Variants in SCUBE1 observed in about 807,000 individuals in gnomAD.
The protein encoded by SCUBE1 is signal peptide, CUB domain and EGF like domain containing 1, also known as signal peptide, CUB and EGF-like domain-containing protein 1.
SCUBE1 carries 59 observed loss-of-function variants against 124.4 expected under a neutral mutation model. The observed-to-expected ratio is 0.47, with a 90% CI of 0.38 to 0.59. The LOEUF (loss-of-function observed/expected upper bound fraction) is 0.59. Among genes scored for constraint, SCUBE1 ranks in the 20% least tolerant of loss-of-function variants. The pLI, the probability that SCUBE1 is intolerant of heterozygous loss-of-function variation, is 0.00. For synonymous variants in SCUBE1, 545 were observed against 550.9 expected (o/e 0.99, Z 0.15); for missense variants, 1,150 against 1,371.2 (o/e 0.84, Z 2.55).
intron 4 of SCUBE1, among the ~76,000 whole-genome samples, chr22:43,264,494 A>T (rs1048194780): frequency 1.6e-4 from 24 of 152,162 alleles, no homozygotes; most frequent in Admixed American, 3.9e-4. Context: ...CTCTCGGTAG[A>T]GAAACCTTCC....
At position 43,223,086 on chromosome 22, in the gene SCUBE1, G is replaced by C. The variant is rs1922163306; in HGVS notation, c.1327+11C>G. 1.3e-6 allele frequency: 2 copies of C among 1,525,982 alleles called. No homozygotes were observed. The highest frequency in any genetic ancestry group is 2.4e-5 in the East Asian group (1 of 41,592). 94.5% of individuals were successfully genotyped at this position (1,525,982 alleles called of 1,614,324 possible). A position where few individuals can be genotyped will look rare whatever the true frequency, so the allele number is the denominator to read the frequency against. On this transcript the variant is annotated intron_variant, in intron 11 of 21. Coordinates refer to ENST00000360835, the MANE Select transcript of SCUBE1 (RefSeq NM_173050.5). ...GCCACAGCATCCCATCTCAGGGACG[G>C]CCCGGGTTACCTGGCACGAAGAGTG...
intron 4 of SCUBE1, among the ~76,000 whole-genome samples, chr22:43,281,453 T>C (rs200085229): frequency 0.075 from 3,062 of 40,682 alleles, 227 homozygotes; most frequent in East Asian, 0.56. Flanking sequence ...CCTCCTGTCA[T>C]CTCCCTCAGC....
At chr22:43,284,092 G>A (rs1294346552) in intron 4 of SCUBE1, among the ~76,000 whole-genome samples, 2 of 152,252 alleles carry the variant, frequency 1.3e-5, no homozygotes, top group African/African-American at 4.8e-5. Flanking sequence ...GAGACACACG[G>A]CCGTGGTCTT....
rs201145102 is a variant in SCUBE1, at chr22:43,234,735, G to GCA, written c.845-2862_845-2861dup. ...CACCAGGCAGCCAGCACCACCTTCC[G>GCA]CACACAAATCTGGCTGAGTCCCTGC... On this transcript the variant is annotated intron_variant, in intron 7 of 21. Transcript: ENST00000360835. The surrounding 1 kb of genome is among the most constrained non-coding windows in gnomAD (Gnocchi z 4.4). Among the ~76,000 whole-genome samples, 1,382 of 152,234 alleles carry GCA rather than the reference G, an allele frequency of 9.1e-3. 18 individuals are homozygous for GCA. Among genetic ancestry groups the GCA allele is most frequent in the African/African-American group, 0.032 (1,313 of 41,538 alleles).
chr22:43,217,756 C>T (rs1921899123), intron 15 of SCUBE1, among the ~76,000 whole-genome samples: 2 of 152,166 alleles, frequency 1.3e-5, no homozygotes, highest in Admixed American at 1.3e-4. Context: ...CTCTCCCCTC[C>T]AGCGCACACC....
At chr22:43,328,228 G>C (rs765059519) in intron 2 of SCUBE1, among the ~76,000 whole-genome samples, 1 of 152,282 alleles carries the variant, frequency 6.6e-6, no homozygotes. Flanking sequence ...CAGGACTAAT[G>C]GTTGCTGAGG....
At chr22:43,332,170 C>A (rs1926924207) in intron 2 of SCUBE1, among the ~76,000 whole-genome samples, 1 of 152,074 alleles carries the variant, frequency 6.6e-6, no homozygotes, top group South Asian at 2.1e-4. Context: ...CACCTGTAGT[C>A]CCAGGTACTT....
intron 3 of SCUBE1, among the ~76,000 whole-genome samples, chr22:43,293,442 C>G (rs1373169652): frequency 6.6e-6 from 1 of 152,206 alleles, no homozygotes; most frequent in African/African-American, 2.4e-5. Context: ...TGGCCCCAGG[C>G]TAAGCTGGCT....
intron 1 of SCUBE1, among the ~76,000 whole-genome samples, chr22:43,340,879 T>A (rs1927290456): frequency 6.6e-6 from 1 of 152,136 alleles, no homozygotes; most frequent in Non-Finnish European, 1.5e-5. Context: ...ATGCCTCTGG[T>A]CTCACCTTAG....
chr22:43,203,849 GC>G lies in SCUBE1; in HGVS notation c.*147del, dbSNP rs1001952970. Reference sequence around the variant, plus strand: ...GGCAGCGGGTCCGAAGGGTGCCTGGGCTCGGTCTCCATGGGCTGGTCGGCTT... The same window carrying G: ...GGCAGCGGGTCCGAAGGGTGCCTGGGTCGGTCTCCATGGGCTGGTCGGCTT... On this transcript the variant is annotated 3_prime_UTR_variant, in exon 22 of 22. Coordinates refer to ENST00000360835, the MANE Select transcript of SCUBE1 (RefSeq NM_173050.5). 1.1e-5 allele frequency: 9 copies of G among 790,170 alleles called. No individual in the cohort carries two copies. The Admixed American group carries it at 1.7e-4, about 15-fold the overall frequency. 48.9% of individuals were successfully genotyped at this position (790,170 alleles called of 1,614,324 possible).
rs374286648 is a variant in SCUBE1, at chr22:43,258,185, G to A, written c.727+34C>T. 1.4e-4 allele frequency: 203 copies of A among 1,438,278 alleles called. No homozygotes were observed. Among genetic ancestry groups the A allele is most frequent in the Non-Finnish European group, 1.9e-4 (195 of 1,023,574 alleles). 89.1% of individuals were successfully genotyped at this position (1,438,278 alleles called of 1,614,324 possible). On this transcript the variant is annotated intron_variant, in intron 6 of 21. Transcript: ENST00000360835. This position sits in a 1 kb window ranked among gnomAD's most constrained non-coding sequence, Gnocchi z 5.0. ...GCATGGGGGGTCGGGGGCGGGGGGC[G>A]CAAGGGTGGTGTGTGGCAGAGGTGC...
At chr22:43,329,783 C>T (rs1926846573) in intron 2 of SCUBE1, among the ~76,000 whole-genome samples, 1 of 152,230 alleles carries the variant, frequency 6.6e-6, no homozygotes, top group East Asian at 1.9e-4. Flanking sequence ...CCCGAGTCCT[C>T]TTTGTCTCAA....
Position 43,211,244 on chromosome 22 carries a change from C to T in SCUBE1, c.2222-161G>A, listed in dbSNP as rs112740017. ...CCATGACCTCCCACCACCCTCACTC[C>T]GCCATGGCCAGGAAGAGCCCTTGGC... On this transcript the variant is annotated intron_variant, in intron 17 of 21. Coordinates refer to ENST00000360835, the MANE Select transcript of SCUBE1 (RefSeq NM_173050.5). The surrounding 1 kb of genome is among the most constrained non-coding windows in gnomAD (Gnocchi z 4.5). Among the ~76,000 whole-genome samples, 2 of 152,160 alleles carry T rather than the reference C, an allele frequency of 1.3e-5. No homozygotes were observed. The highest frequency in any genetic ancestry group is 2.4e-5 in the African/African-American group (1 of 41,428).
intron 16 of SCUBE1, 39 bp downstream of exon 16, chr22:43,214,051 A>ACC (rs1214200154): frequency 4.8e-5 from 7 of 145,014 alleles, no homozygotes; most frequent in African/African-American, 6.6e-5. Flanking sequence ...GCCCCCGCCC[A>ACC]CCCCCCACCC....
At position 43,223,177 on chromosome 22, in the gene SCUBE1, C is replaced by CG. The variant is rs1569500148; in HGVS notation, c.1246dup (p.Arg416ProfsTer32). ...TGCCTTGCTGCAGGACAGCTGGGCC[C>CG]GGGGGGAGGTCTTGGCGCGAGAAAG... On this transcript the variant is annotated frameshift_variant, in exon 11 of 22. Coordinates refer to ENST00000360835, the MANE Select transcript of SCUBE1 (RefSeq NM_173050.5). LOFTEE classifies it high-confidence loss of function. 3.8e-6 allele frequency: 6 copies of CG among 1,569,622 alleles called. No homozygotes were observed. Among genetic ancestry groups the CG allele is most frequent in the South Asian group, 1.2e-5 (1 of 83,636 alleles).
chr22:43,307,202 G>T (rs1926002220), intron 3 of SCUBE1, among the ~76,000 whole-genome samples: 1 of 152,212 alleles, frequency 6.6e-6, no homozygotes, highest in African/African-American at 2.4e-5. Flanking sequence ...AGGAGCTCAG[G>T]GCCATGTCAG....
intron 2 of SCUBE1, among the ~76,000 whole-genome samples, chr22:43,321,058 A>C (rs4820521): frequency 0.66 from 100,496 of 152,082 alleles, 34,198 homozygotes; most frequent in African/African-American, 0.83. Flanking sequence ...CCGAGACACG[A>C]TGGGGAGAGA....
intron 4 of SCUBE1, among the ~76,000 whole-genome samples, chr22:43,276,499 G>T (rs1360762130): frequency 1.3e-5 from 2 of 152,220 alleles, no homozygotes; most frequent in African/African-American, 4.8e-5. Flanking sequence ...CCCACCAGGA[G>T]ATTGGCCTTG....
chr22:43,234,464 C>T lies in SCUBE1; in HGVS notation c.845-2589G>A, dbSNP rs1922678061. On this transcript the variant is annotated intron_variant, in intron 7 of 21. Coordinates refer to ENST00000360835, the MANE Select transcript of SCUBE1 (RefSeq NM_173050.5). This position sits in a 1 kb window ranked among gnomAD's most constrained non-coding sequence, Gnocchi z 4.4. ...GGCCTTCCAGAGCCCCCAGCCCCAT[C>T]CCCTGCCCCATCTGGGCCTGTCTGC... Among the ~76,000 whole-genome samples the T allele has an allele frequency of 6.6e-6, 1 of 152,214 alleles. No homozygotes were observed. The highest frequency in any genetic ancestry group is 2.4e-5 in the African/African-American group (1 of 41,454).
Sources: allele counts gnomAD v4.1 joint callset (sites outside exome capture counted in the v4.1 genomes callset), GRCh38; gene constraint gnomAD v4.1.1; non-coding constraint Gnocchi (gnomAD v3.1); transcripts MANE v1.5; gene names NCBI Gene and HGNC (gene_info 2026-07-23, HGNC 2026-07-21).